PREX1: variants seen among roughly 807,000 people sequenced by gnomAD.
The protein encoded by PREX1 is phosphatidylinositol-3,4,5-trisphosphate dependent Rac exchange factor 1, also known as phosphatidylinositol 3,4,5-trisphosphate-dependent Rac exchanger 1 protein.
PREX1 carries 41 observed loss-of-function variants against 198.3 expected under a neutral mutation model. The observed-to-expected ratio is 0.21, with a 90% CI of 0.16 to 0.27. The LOEUF (loss-of-function observed/expected upper bound fraction) is 0.27, where lower values mean the gene tolerates loss of function less well. PREX1 is among the 10% of genes least tolerant of loss of function. PREX1 has a pLI of 1.00. For synonymous variants in PREX1, 843 were observed against 887.2 expected, an observed-to-expected ratio of 0.95 and a Z score of 0.89; for missense variants, 1,620 against 2,200.7, an observed-to-expected ratio of 0.74 and a Z score of 5.28.
the PREX1 span, among the ~76,000 whole-genome samples, chr20:48,835,006 C>T: frequency 6.6e-6 from 1 of 152,226 alleles, no homozygotes; most frequent in African/African-American, 2.4e-5. Context: ...ACACCAGCCT[C>T]AGCCTCCCAA....
chr20:48,674,960 C>G (rs963901187), intron 14 of PREX1, among the ~76,000 whole-genome samples: 4 of 152,154 alleles, frequency 2.6e-5, no homozygotes, highest in Non-Finnish European at 5.9e-5. Context: ...CCTAGTTTGC[C>G]CAAGACCATC....
chr20:48,831,051 C>G (rs1157456951), upstream of PREX1, among the ~76,000 whole-genome samples: 1 of 152,192 alleles, frequency 6.6e-6, no homozygotes, highest in African/African-American at 2.4e-5. Context: ...CATCAAGGAT[C>G]ATGGCACCTT....
intron 1 of PREX1, among the ~76,000 whole-genome samples, chr20:48,757,428 G>A (rs139687012): frequency 1.2e-4 from 19 of 152,318 alleles, no homozygotes; most frequent in South Asian, 8.3e-4. Context: ...CAGCATGTTC[G>A]TCCTGCATAA....
chr20:48,839,692 T>C, the PREX1 span, among the ~76,000 whole-genome samples: 3 of 152,332 alleles, frequency 2.0e-5, no homozygotes, highest in African/African-American at 4.8e-5. Context: ...TGGAGCCCCA[T>C]AACTGAGTTT....
intron 10 of PREX1, 32 bp downstream of exon 10, chr20:48,688,625 G>A (rs760131488): frequency 1.8e-5 from 29 of 1,613,000 alleles, no homozygotes; most frequent in Non-Finnish European, 2.2e-5. Flanking sequence ...GAGAGCCCAG[G>A]GACCCAGGGA....
At chr20:48,630,682 C>T in intron 36 of PREX1, 46 bp downstream of exon 36, 1 of 1,510,488 alleles carries the variant, frequency 6.6e-7, no homozygotes. Context: ...TCCTGAGCGC[C>T]CCACCCTGCC....
intron 4 of PREX1, among the ~76,000 whole-genome samples, chr20:48,733,907 C>T (rs1159348805): frequency 3.3e-5 from 5 of 152,110 alleles, no homozygotes; most frequent in East Asian, 3.8e-4. Context: ...CATGCCGCCA[C>T]GCCCAGTTAA....
At chr20:48,786,861 A>AAG (rs1568863903) in intron 1 of PREX1, among the ~76,000 whole-genome samples, 5 of 150,510 alleles carry the variant, frequency 3.3e-5, no homozygotes, top group East Asian at 4.0e-4. Flanking sequence ...GAGAAAGAGA[A>AAG]AGAGAGAGGA....
intron 3 of PREX1, among the ~76,000 whole-genome samples, chr20:48,738,324 T>C (rs938672675): frequency 6.6e-6 from 1 of 152,174 alleles, no homozygotes; most frequent in African/African-American, 2.4e-5. Context: ...CCTCATCCCC[T>C]GAGCCCCCTT....
chr20:48,692,851 A>C, intron 7 of PREX1, 61 bp from the exon 8 acceptor site: 1 of 1,402,266 alleles, frequency 7.1e-7, no homozygotes, highest in Non-Finnish European at 1.0e-6. Context: ...AACTGTTTTC[A>C]ACAGCGCAAA....
chr20:48,718,875 C>G (rs1223588105), intron 5 of PREX1, among the ~76,000 whole-genome samples: 2 of 152,174 alleles, frequency 1.3e-5, no homozygotes, highest in African/African-American at 2.4e-5. Context: ...AAAACTGAGG[C>G]ACACAGAGTT....
At chr20:48,648,089 T>G (rs117449789) in intron 25 of PREX1, among the ~76,000 whole-genome samples, 2 of 152,020 alleles carry the variant, frequency 1.3e-5, no homozygotes, top group East Asian at 1.9e-4. Context: ...TTTTTTTTTA[T>G]AGAGATAGGG....
Position 48,692,701 on chromosome 20 carries a change from A to G in PREX1, c.1007T>C (p.Met336Thr). The change falls in exon 8 of 40, where the codon ATG becomes ACG. Residue 336 changes from methionine (M) to threonine (T), a missense_variant. Met to Thr is a moderately conservative substitution (Grantham distance 81). This residue lies in a region of PREX1 where 488 missense variants were observed against 802.5 expected (regional missense o/e 0.61). Transcript: ENST00000371941. ...IFRGRINTEV[M>T]EVENVEDGTA... ...CCCATCTTCCACATTCTCCACCTCC[A>G]TGACTTCAGTGTTGATTCGACCCCT... 6.2e-7 allele frequency: 1 copy of G among 1,614,110 alleles called. No homozygotes were observed. The highest frequency in any genetic ancestry group is 1.1e-5 in the South Asian group (1 of 91,060).
intron 15 of PREX1, among the ~76,000 whole-genome samples, chr20:48,665,246 C>T (rs1362694893): frequency 6.8e-6 from 1 of 147,390 alleles, no homozygotes; most frequent in Non-Finnish European, 1.5e-5. Flanking sequence ...TCCAGATGGC[C>T]TGAATTCTAA....
chr20:48,693,193 T>C (rs2089828515), intron 7 of PREX1, among the ~76,000 whole-genome samples: 1 of 134,654 alleles, frequency 7.4e-6, no homozygotes, highest in Non-Finnish European at 1.7e-5. Context: ...AGTCCGTCCA[T>C]CCATCCATCC....
intron 1 of PREX1, among the ~76,000 whole-genome samples, chr20:48,773,391 C>A (rs1022244503): frequency 6.6e-6 from 1 of 152,170 alleles, no homozygotes; most frequent in South Asian, 2.1e-4. Flanking sequence ...CCTCCAAGTG[C>A]CCCACACTAG....
At chr20:48,765,313 C>A (rs1467144484) in intron 1 of PREX1, among the ~76,000 whole-genome samples, 2 of 152,208 alleles carry the variant, frequency 1.3e-5, no homozygotes, top group Non-Finnish European at 2.9e-5. Flanking sequence ...TCATTAAGGA[C>A]AGATGGTCTA....
At position 48,632,643 on chromosome 20, in the gene PREX1, CG is replaced by C; in HGVS notation, c.4268-5del. 1.2e-6 allele frequency: 2 copies of C among 1,613,508 alleles called. No individual in the cohort carries two copies. The highest frequency in any genetic ancestry group is 1.7e-6 in the Non-Finnish European group (2 of 1,179,746). On this transcript the variant is annotated splice_polypyrimidine_tract_variant and splice_region_variant and intron_variant, in intron 33 of 39. Coordinates refer to ENST00000371941, the MANE Select transcript of PREX1 (RefSeq NM_020820.4). ...ATGTGGTAGAAGACGTTGGTGTCTG[CG>C]GAAGGATATGGGGCAGGATGACTCA... is the stretch of plus-strand genomic sequence containing the variant.
At chr20:48,669,718 GA>G in intron 14 of PREX1, among the ~76,000 whole-genome samples, 1 of 152,208 alleles carries the variant, frequency 6.6e-6, no homozygotes, top group Non-Finnish European at 1.5e-5. Flanking sequence ...CGTGAGGATT[GA>G]ATGAGACACT....
Sources: gnomAD v4.1 joint callset for allele counts (sites outside exome capture counted in the v4.1 genomes callset) on GRCh38, gnomAD v4.1.1 for gene constraint, gnomAD v4.1.1 regional missense constraint, MANE v1.5 for transcripts, NCBI Gene and HGNC (gene_info 2026-07-23, HGNC 2026-07-21) for gene names.